Variants in MVB12B observed in about 807,000 individuals in gnomAD.
The protein encoded by MVB12B is ESCRT-I complex subunit MVB12B.
Under a neutral mutation model 41.6 loss-of-function variants are expected in MVB12B, and 16 were observed. The ratio of observed to expected loss-of-function variants is 0.38; its 90% CI spans 0.26 to 0.58. The LOEUF (loss-of-function observed/expected upper bound fraction) is 0.58. Ranked by LOEUF, MVB12B falls within the 20% of genes least tolerant of loss-of-function variation. The pLI is 0.62. For missense variants in MVB12B, 274 were observed against 380.2 expected (o/e 0.72, Z 2.32); for synonymous variants, 133 against 139.7 (o/e 0.95, Z 0.34).
intron 6 of MVB12B, among the ~76,000 whole-genome samples, chr9:126,402,648 A>T (rs936302336): frequency 4.8e-5 from 7 of 146,162 alleles, no homozygotes; most frequent in South Asian, 2.1e-4. Context: ...ACCCTATCTT[A>T]AAAAAAAAAT....
At chr9:126,383,596 A>C (rs1192454255) in intron 3 of MVB12B, among the ~76,000 whole-genome samples, 1 of 152,180 alleles carries the variant, frequency 6.6e-6, no homozygotes, top group Non-Finnish European at 1.5e-5. Flanking sequence ...AAATACCCTG[A>C]GTCAGTGCAT....
In MVB12B at chr9:126,473,779, C is replaced by A. The variant is rs1164445220; in HGVS notation, c.758-7590C>A. The stretch of plus-strand genomic sequence containing the variant: ...GGGCCCCCTCCAATACCGGGGATTA[C>A]AATTGAACATGAGATTTGGGTATTT... On this transcript the variant is annotated intron_variant, in intron 7 of 9. Transcript: ENST00000361171. The surrounding 1 kb of genome is among the most constrained non-coding windows in gnomAD (Gnocchi z 4.0). Among the ~76,000 whole-genome samples, 1 of 152,216 alleles carries A rather than the reference C, an allele frequency of 6.6e-6. No individual in the cohort carries two copies. The highest frequency in any genetic ancestry group is 1.5e-5 in the Non-Finnish European group (1 of 68,046).
chr9:126,343,673 T>C (rs543043906), intron 2 of MVB12B, among the ~76,000 whole-genome samples: 21 of 152,120 alleles, frequency 1.4e-4, no homozygotes, highest in African/African-American at 4.6e-4. Context: ...CCCTGCACTT[T>C]GGGAGGCCGA....
At chr9:126,373,729 C>G (rs1223627133) in intron 2 of MVB12B, among the ~76,000 whole-genome samples, 1 of 152,176 alleles carries the variant, frequency 6.6e-6, no homozygotes, top group Non-Finnish European at 1.5e-5. Context: ...AGTTGGATAG[C>G]TGATTTACAA....
chr9:126,395,685 C>T lies in MVB12B; in HGVS notation c.650C>T (p.Pro217Leu). 6.2e-7 allele frequency: 1 copy of T among 1,614,094 alleles called. No homozygotes were observed. The highest frequency in any genetic ancestry group is 1.1e-5 in the South Asian group (1 of 91,078). Residue 217 changes from proline to leucine, a missense_variant, in exon 6 of 10, where the codon CCC (proline) becomes CTC (leucine). Transcript: ENST00000361171. This position sits in a 1 kb window ranked among gnomAD's most constrained non-coding sequence, Gnocchi z 4.9. The stretch of plus-strand genomic sequence containing the variant: ...TCATCAGCTGCCTCCACCCCAGCCC[C>T]CAACCTTCCCAGGTGAGGCCTTGTC... ...SQSSAASTPA[P>L]NLPRHISLTL...
chr9:126,364,951 A>G (rs1474883874), intron 2 of MVB12B, among the ~76,000 whole-genome samples: 1 of 151,874 alleles, frequency 6.6e-6, no homozygotes. Flanking sequence ...ACGGGGTTTC[A>G]CCGCGTTAGC....
At position 126,504,037 on chromosome 9, in the gene MVB12B, C is replaced by CA. The variant is rs1834017531; in HGVS notation, c.*776dup. 2.0e-5 allele frequency: 3 copies of CA among 152,466 alleles called. No individual in the cohort carries two copies. Among genetic ancestry groups the CA allele is most frequent in the African/African-American group, 7.2e-5 (3 of 41,466 alleles). 9.4% of individuals were successfully genotyped at this position (152,466 alleles called of 1,614,324 possible). ...CATCTGTGCAACAACCACATGCCAA[C>CA]AATAGCTCCAGGTGCCTCAGCCCCG... is the stretch of plus-strand genomic sequence containing the variant. On this transcript the variant is annotated 3_prime_UTR_variant, in exon 10 of 10. Transcript: ENST00000361171.
chr9:126,394,475 G>T (rs1035126326), intron 5 of MVB12B, among the ~76,000 whole-genome samples: 1 of 152,276 alleles, frequency 6.6e-6, no homozygotes, highest in Middle Eastern at 3.4e-3. Flanking sequence ...CTTTTCCAGA[G>T]GAAGACAATT....
intron 3 of MVB12B, among the ~76,000 whole-genome samples, chr9:126,383,743 TGTATTAAACCCA>T (rs1279582900): frequency 2.6e-4 from 40 of 151,976 alleles, no homozygotes; most frequent in Admixed American, 2.6e-3. Context: ...GCAGACCCAC[TGTATTAAACCCA>T]GTACAGTGGC....
intron 6 of MVB12B, among the ~76,000 whole-genome samples, chr9:126,408,610 G>A (rs565590547): frequency 6.6e-6 from 1 of 152,082 alleles, no homozygotes; most frequent in Admixed American, 6.5e-5. Context: ...AAACTATCAG[G>A]ATGTCCCTCC....
rs112698898 is a variant in MVB12B at position 126,459,594 on chromosome 9, G to A, written c.758-21775G>A. Reference sequence around the variant, plus strand: ...TCTGAGGTCCCAGAGCCAAAGCCTCGGGAGGCTTGGGGCTAAGGATGTGTA... The same window carrying A: ...TCTGAGGTCCCAGAGCCAAAGCCTCAGGAGGCTTGGGGCTAAGGATGTGTA... On this transcript the variant is annotated intron_variant, in intron 7 of 9. Transcript: ENST00000361171. The surrounding 1 kb of genome is among the most constrained non-coding windows in gnomAD (Gnocchi z 4.3). Among the ~76,000 whole-genome samples, 12 of 152,238 alleles carry A rather than the reference G, an allele frequency of 7.9e-5. No homozygotes were observed. The East Asian group carries it at 1.5e-3, about 20-fold the overall frequency.
chr9:126,441,763 G>A (rs184285957), intron 7 of MVB12B, among the ~76,000 whole-genome samples: 35 of 152,330 alleles, frequency 2.3e-4, no homozygotes, highest in African/African-American at 7.7e-4. Flanking sequence ...TATGTAATTA[G>A]TGATAACATT....
At chr9:126,384,551 C>T (rs757428940) in intron 3 of MVB12B, among the ~76,000 whole-genome samples, 17 of 152,018 alleles carry the variant, frequency 1.1e-4, no homozygotes, top group Admixed American at 2.6e-4. Context: ...ATATATGAAA[C>T]GAAGTCTTCC....
At chr9:126,461,282 T>G (rs1225513196) in intron 7 of MVB12B, among the ~76,000 whole-genome samples, 2 of 152,252 alleles carry the variant, frequency 1.3e-5, no homozygotes, top group East Asian at 3.8e-4. Flanking sequence ...GATTGCTCTC[T>G]GTTGTCTTTG....
Position 126,486,768 on chromosome 9 carries a change from A to G in MVB12B, c.873+2736A>G, listed in dbSNP as rs1411020138. Among the ~76,000 whole-genome samples, 1 of 150,922 alleles carries G rather than the reference A, an allele frequency of 6.6e-6. No homozygotes were observed. Among genetic ancestry groups the G allele is most frequent in the Non-Finnish European group, 1.5e-5 (1 of 67,356 alleles). ...CTCCGAGAGGTGGAGTAACTGGCCA[A>G]AGACAAGGTGGAGACCCAGTGTGTC... On this transcript the variant is annotated intron_variant, in intron 9 of 9. Coordinates refer to ENST00000361171, the MANE Select transcript of MVB12B (RefSeq NM_033446.3). This position sits in a 1 kb window ranked among gnomAD's most constrained non-coding sequence, Gnocchi z 4.7.
chr9:126,406,411 G>A (rs1283274840), intron 6 of MVB12B, among the ~76,000 whole-genome samples: 1 of 152,230 alleles, frequency 6.6e-6, no homozygotes, highest in Non-Finnish European at 1.5e-5. Flanking sequence ...TTGGCTCTTT[G>A]ATAGAGGATG....
chr9:126,417,534 G>T (rs1470270577), intron 6 of MVB12B, among the ~76,000 whole-genome samples: 1 of 152,132 alleles, frequency 6.6e-6, no homozygotes, highest in Non-Finnish European at 1.5e-5. Flanking sequence ...TACACACAGG[G>T]AGAAATGAAA....
At chr9:126,458,450 A>G (rs561952180) in intron 7 of MVB12B, among the ~76,000 whole-genome samples, 1 of 152,162 alleles carries the variant, frequency 6.6e-6, no homozygotes, top group East Asian at 1.9e-4. Context: ...CTCACTCAAC[A>G]CTGGCTCTTA....
At chr9:126,438,279 C>T (rs1832540962) in intron 7 of MVB12B, among the ~76,000 whole-genome samples, 1 of 152,070 alleles carries the variant, frequency 6.6e-6, no homozygotes, top group South Asian at 2.1e-4. Flanking sequence ...AGGAAAAACC[C>T]AGATAATCTT....
Sources: allele counts gnomAD v4.1 joint callset (sites outside exome capture counted in the v4.1 genomes callset), GRCh38; gene constraint gnomAD v4.1.1; non-coding constraint Gnocchi (gnomAD v3.1); transcripts MANE v1.5; gene names NCBI Gene and HGNC (gene_info 2026-07-23, HGNC 2026-07-21).